The following KNL1 variants were observed in gnomAD, a reference collection of about 807,000 sequenced individuals.
KNL1 encodes the protein kinetochore scaffold 1, also known as outer kinetochore KNL1 complex subunit KNL1.
Under a neutral mutation model 201.3 loss-of-function variants are expected in KNL1, and 66 were observed. That is an observed-to-expected ratio of 0.33 (90% CI 0.27 to 0.40). The LOEUF (loss-of-function observed/expected upper bound fraction) is 0.40, where lower values mean the gene tolerates loss of function less well. Ranked by LOEUF, KNL1 falls within the 10% of genes least tolerant of loss-of-function variation. The pLI is 1.00. For synonymous variants in KNL1, 895 were observed against 899.2 expected, an observed-to-expected ratio of 1.00 and a Z score of 0.08; for missense variants, 2,815 against 2,690.5, an observed-to-expected ratio of 1.05 and a Z score of -1.02.
In KNL1 at chr15:40,617,975, T is replaced by TAAAAAAAAAAAAAAAA. The variant is rs71104706; in HGVS notation, c.323-960_323-945dup. 2.5e-4 allele frequency among the ~76,000 whole-genome samples: 12 copies of TAAAAAAAAAAAAAAAA among 47,214 alleles called. 2 individuals are homozygous for TAAAAAAAAAAAAAAAA. Among genetic ancestry groups the TAAAAAAAAAAAAAAAA allele is most frequent in the African/African-American group, 3.5e-4 (3 of 8,588 alleles). The allele number at this position is 47,214 out of a possible 152,430, so 31.0% of individuals were successfully genotyped here. Reference sequence around the variant, plus strand: ...CCTGAAATATAAATAAGGCTTTTAGTAAAAAAAAAAAAAAAAAAAAAAAAA... The same window carrying TAAAAAAAAAAAAAAAA: ...CCTGAAATATAAATAAGGCTTTTAGTAAAAAAAAAAAAAAAAAAAAAAAAAAAAAAAAAAAAAAAAA... On this transcript the variant is annotated intron_variant, in intron 8 of 25. Coordinates refer to ENST00000399668, the MANE Select transcript of KNL1 (RefSeq NM_144508.5).
At chr15:40,631,296 TA>T (rs112826725) in intron 13 of KNL1, among the ~76,000 whole-genome samples, 24 of 146,238 alleles carry the variant, frequency 1.6e-4, no homozygotes, top group Admixed American at 1.2e-3. Flanking sequence ...CATAGTTGGG[TA>T]AAAAAAAAAC....
chr15:40,639,583 C>T (rs1177638618), intron 13 of KNL1, among the ~76,000 whole-genome samples: 4 of 124,570 alleles, frequency 3.2e-5, no homozygotes, highest in African/African-American at 8.8e-5. Flanking sequence ...AAAACTTCAT[C>T]TCAAAAAAAA....
At position 40,640,920 on chromosome 15, in the gene KNL1, A is replaced by G. The variant is rs771928576; in HGVS notation, c.5691A>G (p.Val1897=). 6.2e-7 allele frequency: 1 copy of G among 1,608,734 alleles called. No individual in the cohort carries two copies. The highest frequency in any genetic ancestry group is 2.2e-5 in the East Asian group (1 of 44,810). Residue 1897 remains valine (V), a synonymous_variant, in exon 14 of 26, where the codon GTA becomes GTG. Transcript: ENST00000399668. ...RQSNLPGNFT[V]NTPPTPEDLM... Reference sequence around the variant, plus strand: ...TGAATTTTTTTTTCCAGTTTACTGTAAACACACCACCTACTCCAGAAGACC... The same window carrying G: ...TGAATTTTTTTTTCCAGTTTACTGTGAACACACCACCTACTCCAGAAGACC...
At chr15:40,644,802 A>C (rs756078308) in intron 14 of KNL1, among the ~76,000 whole-genome samples, 195 bp from the exon 15 acceptor site, 3 of 152,204 alleles carry the variant, frequency 2.0e-5, no homozygotes, top group Non-Finnish European at 2.9e-5. Context: ...TGTGAGCTTC[A>C]GGTTGGGTCA....
chr15:40,636,203 T>G (rs1893051722), intron 13 of KNL1, among the ~76,000 whole-genome samples: 1 of 152,216 alleles, frequency 6.6e-6, no homozygotes, highest in Admixed American at 6.5e-5. Context: ...TATGTATAAG[T>G]TGGACACTAC....
chr15:40,660,756 C>T (rs1029829297), intron 25 of KNL1, among the ~76,000 whole-genome samples: 3 of 147,578 alleles, frequency 2.0e-5, no homozygotes, highest in Non-Finnish European at 4.5e-5. Context: ...ATCACTTGAG[C>T]TTGGGAGTAT....
At position 40,657,053 on chromosome 15, in the gene KNL1, C is replaced by T. The variant is rs767543788; in HGVS notation, c.6496C>T (p.Pro2166Ser). 1.9e-6 allele frequency: 3 copies of T among 1,561,988 alleles called. No homozygotes were observed. The highest frequency in any genetic ancestry group is 1.7e-6 in the Non-Finnish European group (2 of 1,153,732). ...TTTTCCTTCCCCAGAGGATCAAGCT[C>T]CTCCTTCCTCCCTTTTAGTTCATAA... ...FQSLLDEDQA[P>S]PSSLLVHKLI... The change falls in exon 23 of 26, where the codon CCT becomes TCT. Residue 2166 changes from proline to serine, a missense_variant. By Grantham distance (74) the Pro-to-Ser change is moderately conservative. Around this residue, in one of 3 missense-constraint regions of KNL1, gnomAD observed 334 missense variants for 362.6 expected, o/e 0.92. Transcript: ENST00000399668.
intron 10 of KNL1, among the ~76,000 whole-genome samples, chr15:40,627,282 G>C (rs947484080): frequency 1.3e-5 from 2 of 152,156 alleles, no homozygotes; most frequent in Non-Finnish European, 2.9e-5. Flanking sequence ...TGGGAGGCCA[G>C]GGCAGGTTGA....
At chr15:40,606,624 C>G (rs1297534958) in intron 4 of KNL1, among the ~76,000 whole-genome samples, 172 bp downstream of exon 4, 1 of 152,178 alleles carries the variant, frequency 6.6e-6, no homozygotes, top group Non-Finnish European at 1.5e-5. Context: ...CTAGGAATGG[C>G]ATCTCCCTCT....
At chr15:40,629,234 A>T in intron 12 of KNL1, 39 bp from the exon 13 acceptor site, 1 of 1,172,912 alleles carries the variant, frequency 8.5e-7, no homozygotes, top group Non-Finnish European at 1.2e-6. Flanking sequence ...AAGTGAAATC[A>T]CATTGAATGG....
rs761555419 is a variant in KNL1, at chr15:40,622,559, A to G, written c.2295A>G (p.Thr765=). The part of the protein sequence containing the change: ...CSEEEQNMDL[T]KSHTVVIGFG... ...AGGAAGAGCAAAATATGGATCTAACAAAGAGCCACACTGTCGTCATTGGAT... is the reference window on the plus strand; with the variant it reads ...AGGAAGAGCAAAATATGGATCTAACGAAGAGCCACACTGTCGTCATTGGAT... The change falls in exon 10 of 26, where the codon ACA becomes ACG. Residue 765 remains threonine, a synonymous_variant. Coordinates refer to ENST00000399668, the MANE Select transcript of KNL1 (RefSeq NM_144508.5). 11 of 1,613,724 alleles carry G rather than the reference A, an allele frequency of 6.8e-6. No homozygotes were observed. The African/African-American group carries it at 1.2e-4, about 18-fold the overall frequency.
intron 1 of KNL1, among the ~76,000 whole-genome samples, chr15:40,597,037 T>C (rs975512908): frequency 4.7e-5 from 7 of 149,954 alleles, no homozygotes; most frequent in African/African-American, 1.7e-4. Flanking sequence ...TTGCTTTTTA[T>C]CACAGCAACT....
chr15:40,599,571 G>A (rs115589001), intron 1 of KNL1, among the ~76,000 whole-genome samples: 2,115 of 151,530 alleles, frequency 0.014, 50 homozygotes, highest in African/African-American at 0.048. Context: ...TTTCGTAGAG[G>A]TGGGGTTTTG....
chr15:40,651,810 C>CAAT (rs1893573781), intron 20 of KNL1, among the ~76,000 whole-genome samples, 195 bp from the exon 21 acceptor site: 1 of 152,166 alleles, frequency 6.6e-6, no homozygotes, highest in Non-Finnish European at 1.5e-5. Context: ...CTCTGATATA[C>CAAT]AACTCAAGAT....
intron 9 of KNL1, 24 bp from the exon 10 acceptor site, chr15:40,620,616 T>C: frequency 4.1e-6 from 6 of 1,462,514 alleles, no homozygotes; most frequent in Non-Finnish European, 4.6e-6. Context: ...TGTTCTGATC[T>C]CTTATATTTT....
intron 23 of KNL1, 101 bp from the exon 24 acceptor site, chr15:40,657,254 T>G (rs1893762655): frequency 6.0e-6 from 6 of 992,540 alleles, no homozygotes; most frequent in Non-Finnish European, 6.3e-6. Flanking sequence ...AAATGATAAA[T>G]GTATTCAATT....
At chr15:40,618,126 T>G (rs1392524300) in intron 8 of KNL1, among the ~76,000 whole-genome samples, 1 of 152,034 alleles carries the variant, frequency 6.6e-6, no homozygotes, top group East Asian at 1.9e-4. Flanking sequence ...ATTTCCTGTT[T>G]TAATATAGCC....
intron 21 of KNL1, among the ~76,000 whole-genome samples, chr15:40,654,608 G>T (rs1328827720): frequency 2.6e-5 from 4 of 150,964 alleles, no homozygotes; most frequent in Non-Finnish European, 4.4e-5. Context: ...GGTGGCTCAT[G>T]CCTGTAATCC....
At chr15:40,656,427 C>T (rs571296831) in intron 22 of KNL1, among the ~76,000 whole-genome samples, 23 of 151,544 alleles carry the variant, frequency 1.5e-4, no homozygotes, top group South Asian at 8.4e-4. Flanking sequence ...AGTGACACTC[C>T]GTCTCAAAAA....
Sources: allele counts gnomAD v4.1 joint callset (sites outside exome capture counted in the v4.1 genomes callset), GRCh38; gene constraint gnomAD v4.1.1; regional missense constraint gnomAD v4.1.1; transcripts MANE v1.5; gene names NCBI Gene and HGNC (gene_info 2026-07-23, HGNC 2026-07-21).